The following TMEM132C variants were observed in gnomAD, a reference collection of about 807,000 sequenced individuals.
TMEM132C encodes transmembrane protein 132C.
Under a neutral mutation model 61.4 loss-of-function variants are expected in TMEM132C, and 29 were observed. That is an observed-to-expected ratio of 0.47 (90% confidence interval 0.35 to 0.64). TMEM132C has a LOEUF of 0.64. Ranked by LOEUF, TMEM132C falls within the 30% of genes least tolerant of loss-of-function variation. The pLI is 0.00. For synonymous variants in TMEM132C, 656 were observed against 633.1 expected, an observed-to-expected ratio of 1.04 and a Z score of -0.54; for missense variants, 1,408 against 1,476.9, an observed-to-expected ratio of 0.95 and a Z score of 0.76.
intron 5 of TMEM132C, among the ~76,000 whole-genome samples, chr12:128,690,154 C>T (rs1455553042): frequency 6.6e-6 from 1 of 152,200 alleles, no homozygotes; most frequent in Non-Finnish European, 1.5e-5. Flanking sequence ...CAGGCAGACA[C>T]TGATTTCTGG....
intron 2 of TMEM132C, among the ~76,000 whole-genome samples, chr12:128,488,813 A>G (rs1871599448): frequency 6.6e-6 from 1 of 152,128 alleles, no homozygotes; most frequent in Non-Finnish European, 1.5e-5. Context: ...AAGGGCTCTT[A>G]ATAATTACTT....
intron 1 of TMEM132C, among the ~76,000 whole-genome samples, chr12:128,271,284 TAATAATAATAATAATAATAATAA>T (rs1355038218): frequency 1.8e-5 from 2 of 112,784 alleles, no homozygotes; most frequent in Non-Finnish European, 3.6e-5. Flanking sequence ...ATAATAATAA[TAATAATAATAATAATAATAATAA>T]AATGAAATGA....
At chr12:128,472,103 C>A (rs1480664341) in intron 2 of TMEM132C, among the ~76,000 whole-genome samples, 2 of 152,138 alleles carry the variant, frequency 1.3e-5, no homozygotes, top group African/African-American at 2.4e-5. Flanking sequence ...CAGGAGGCAC[C>A]TGCACGTACC....
At chr12:128,282,115 C>T (rs1870918089) in intron 1 of TMEM132C, among the ~76,000 whole-genome samples, 1 of 152,204 alleles carries the variant, frequency 6.6e-6, no homozygotes, top group South Asian at 2.1e-4. Flanking sequence ...ACTTTTGTCC[C>T]ATGAACCATC....
intron 2 of TMEM132C, among the ~76,000 whole-genome samples, chr12:128,463,703 G>A (rs1870621206): frequency 6.6e-6 from 1 of 152,092 alleles, no homozygotes; most frequent in Admixed American, 6.5e-5. Flanking sequence ...TCCCATCTCG[G>A]TGTGCCATGA....
chr12:128,617,470 T>A (rs1876846370), intron 4 of TMEM132C, among the ~76,000 whole-genome samples: 1 of 152,144 alleles, frequency 6.6e-6, no homozygotes, highest in Non-Finnish European at 1.5e-5. Flanking sequence ...CAAAAGGATG[T>A]GTTGCTCTGA....
At chr12:128,703,974 A>G (rs547907718) in intron 8 of TMEM132C, among the ~76,000 whole-genome samples, 1 of 152,278 alleles carries the variant, frequency 6.6e-6, no homozygotes, top group South Asian at 2.1e-4. Flanking sequence ...GTCAAGAATA[A>G]GGCCTTCTGT....
At chr12:128,473,333 G>T (rs142358176) in intron 2 of TMEM132C, among the ~76,000 whole-genome samples, 154 of 2,430 alleles carry the variant, frequency 0.063, 5 homozygotes, top group Non-Finnish European at 0.087. Context: ...TTCATCTTCA[G>T]TCCAGCCTCC....
intron 2 of TMEM132C, among the ~76,000 whole-genome samples, chr12:128,516,857 T>A (rs964978147): frequency 6.6e-6 from 1 of 151,846 alleles, no homozygotes; most frequent in Admixed American, 6.6e-5. Flanking sequence ...AAGGTTACAA[T>A]GAGCTATGAT....
intron 3 of TMEM132C, among the ~76,000 whole-genome samples, chr12:128,584,443 A>G (rs1037937076): frequency 2.6e-5 from 4 of 152,130 alleles, no homozygotes; most frequent in Non-Finnish European, 5.9e-5. Context: ...TTTTGCCCTT[A>G]GCATATTCTA....
intron 2 of TMEM132C, among the ~76,000 whole-genome samples, chr12:128,472,541 T>C (rs1310699272): frequency 6.6e-6 from 1 of 152,188 alleles, no homozygotes; most frequent in Admixed American, 6.5e-5. Flanking sequence ...CACGGAGTGG[T>C]TGGGAAAGAC....
At chr12:128,653,060 G>A (rs1954288449) in intron 4 of TMEM132C, among the ~76,000 whole-genome samples, 1 of 152,140 alleles carries the variant, frequency 6.6e-6, no homozygotes, top group Non-Finnish European at 1.5e-5. Flanking sequence ...TATACAAAAT[G>A]TAGTCTATCC....
intron 3 of TMEM132C, among the ~76,000 whole-genome samples, chr12:128,609,097 A>G (rs1385603218): frequency 6.7e-6 from 1 of 149,882 alleles, no homozygotes; most frequent in Non-Finnish European, 1.5e-5. Context: ...CAACACTGTA[A>G]CCTCTGCCTC....
chr12:128,586,541 C>T (rs1875556171), intron 3 of TMEM132C, among the ~76,000 whole-genome samples: 2 of 152,132 alleles, frequency 1.3e-5, no homozygotes. Context: ...TCCACTATTA[C>T]ATAAGCAAAT....
Position 128,590,852 on chromosome 12 carries a change from TTGCA to T in TMEM132C, c.1122-25299_1122-25296del, listed in dbSNP as rs1466765928. Among the ~76,000 whole-genome samples, 5 of 152,236 alleles carry T rather than the reference TTGCA, an allele frequency of 3.3e-5. No homozygotes were observed. In the East Asian group the frequency reaches 9.6e-4, roughly 29 times the overall value. On this transcript the variant is annotated intron_variant, in intron 3 of 8. Transcript: ENST00000435159. ...AGTACAGTGGCACCATCACAGCTCA[TTGCA>T]GCCCTGAATTCCTGGGCTCAAGCCA...
intron 1 of TMEM132C, among the ~76,000 whole-genome samples, chr12:128,341,766 C>T (rs981179276): frequency 1.5e-4 from 23 of 152,182 alleles, no homozygotes; most frequent in African/African-American, 4.3e-4. Context: ...CATGCAGATT[C>T]GGGGCCTCTC....
rs575877148 is a variant in TMEM132C at position 128,681,436 on chromosome 12, C to T, written c.1449+11876C>T. On this transcript the variant is annotated intron_variant, in intron 5 of 8. Coordinates refer to ENST00000435159, the MANE Select transcript of TMEM132C (RefSeq NM_001136103.3). ...GATGATTTTGGTTAACAGACCCAAA[C>T]CGAGTTAAGGGGGAAAACATCTAGG... 3.3e-5 allele frequency among the ~76,000 whole-genome samples: 5 copies of T among 152,212 alleles called. No homozygotes were observed. The South Asian group carries it at 1.0e-3, about 32-fold the overall frequency.
intron 5 of TMEM132C, among the ~76,000 whole-genome samples, chr12:128,672,706 G>C (rs1954544803): frequency 6.6e-6 from 1 of 152,124 alleles, no homozygotes; most frequent in South Asian, 2.1e-4. Flanking sequence ...TGTGGCCTTG[G>C]GTCTGATGAG....
chr12:128,656,446 A>G (rs1489384797), intron 4 of TMEM132C, among the ~76,000 whole-genome samples: 1 of 152,232 alleles, frequency 6.6e-6, no homozygotes, highest in African/African-American at 2.4e-5. Flanking sequence ...CAGGAAGGGA[A>G]AAAGGACGAA....
Sources: allele counts gnomAD v4.1 joint callset (sites outside exome capture counted in the v4.1 genomes callset), GRCh38; gene constraint gnomAD v4.1.1; transcripts MANE v1.5; gene names NCBI Gene and HGNC (gene_info 2026-07-23, HGNC 2026-07-21).